PCCA: variants seen among roughly 807,000 people sequenced by gnomAD.
PCCA encodes propionyl-CoA carboxylase subunit alpha.
Under a neutral mutation model 101.3 loss-of-function variants are expected in PCCA, and 74 were observed. That is an observed-to-expected ratio of 0.73 (90% CI 0.61 to 0.89). PCCA has a LOEUF of 0.89. PCCA is among the 40% of genes least tolerant of loss of function. The probability of loss-of-function intolerance (pLI) is 0.00; values close to 1 mark genes in which losing one functional copy is unlikely to be tolerated. For synonymous variants in PCCA, 294 were observed against 313.6 expected (o/e 0.94, Z 0.66); for missense variants, 891 against 907.0 (o/e 0.98, Z 0.23).
chr13:100,343,985 G>A (rs1402455018), intron 18 of PCCA, among the ~76,000 whole-genome samples: 3 of 152,224 alleles, frequency 2.0e-5, no homozygotes, highest in Non-Finnish European at 4.4e-5. Context: ...TGAGGCACGA[G>A]AATTGCTTGA....
chr13:100,357,440 A>G (rs9585411), intron 18 of PCCA, among the ~76,000 whole-genome samples: 30,488 of 152,150 alleles, frequency 0.2, 3,462 homozygotes, highest in Non-Finnish European at 0.27. Flanking sequence ...TTCCTGGGCT[A>G]CCACCTGGAA....
intron 1 of PCCA, among the ~76,000 whole-genome samples, chr13:100,090,864 A>G (rs573443478): frequency 5.3e-5 from 8 of 152,376 alleles, no homozygotes; most frequent in African/African-American, 1.9e-4. Context: ...ATAAGTGGCA[A>G]ACAGGATTTA....
intron 20 of PCCA, among the ~76,000 whole-genome samples, chr13:100,443,062 G>A (rs187188476): frequency 2.0e-5 from 3 of 152,246 alleles, no homozygotes; most frequent in Admixed American, 6.5e-5. Flanking sequence ...GTGATGTGAT[G>A]TGATTTTTTA....
chr13:100,491,462 GC>G, intron 21 of PCCA: 1 of 273,598 alleles, frequency 3.7e-6, no homozygotes, highest in Non-Finnish European at 7.4e-6. Context: ...TTGTTTGTAT[GC>G]CCCTAGTCAT....
At chr13:100,302,061 C>T (rs1163621472) in intron 13 of PCCA, among the ~76,000 whole-genome samples, 3 of 151,896 alleles carry the variant, frequency 2.0e-5, no homozygotes, top group South Asian at 2.1e-4. Context: ...TAATTTTCTC[C>T]TTTATTATTA....
rs1283292 is a variant in PCCA, at chr13:100,449,148, C to G, written c.1846-104C>G. Reference sequence around the variant, plus strand: ...GTATGGCTATACTATATTTTGTTTACCCATCCATCAGTTGATGGACATTTG... The same window carrying G: ...GTATGGCTATACTATATTTTGTTTAGCCATCCATCAGTTGATGGACATTTG... On this transcript the variant is annotated intron_variant, in intron 20 of 23. Coordinates refer to ENST00000376285, the MANE Select transcript of PCCA (RefSeq NM_000282.4). 48,158 of 645,366 alleles carry G rather than the reference C, an allele frequency of 0.075. 3,358 individuals are homozygous for G. The highest frequency in any genetic ancestry group is 0.28 in the African/African-American group (15,369 of 54,318). 40.0% of individuals were successfully genotyped at this position (645,366 alleles called of 1,614,324 possible).
At chr13:100,262,875 TATC>T (rs775843431) in intron 10 of PCCA, 44 bp downstream of exon 10, 2 of 805,440 alleles carry the variant, frequency 2.5e-6, no homozygotes, top group Non-Finnish European at 4.4e-6. Context: ...TTTAAAATAA[TATC>T]ATTTAATCCT....
chr13:100,348,323 A>G (rs2072592382), intron 18 of PCCA, among the ~76,000 whole-genome samples: 1 of 152,214 alleles, frequency 6.6e-6, no homozygotes, highest in Non-Finnish European at 1.5e-5. Context: ...TGGATAGTAA[A>G]ACAATAGTGG....
chr13:100,304,784 A>G (rs758429224), intron 14 of PCCA, among the ~76,000 whole-genome samples: 7 of 152,184 alleles, frequency 4.6e-5, no homozygotes, highest in Non-Finnish European at 7.3e-5. Context: ...CTTAGAAAAC[A>G]ATTTTTGGCT....
intron 10 of PCCA, among the ~76,000 whole-genome samples, chr13:100,265,839 GA>G (rs55950406): frequency 3.3e-5 from 5 of 150,806 alleles, no homozygotes; most frequent in African/African-American, 1.2e-4. Context: ...TTATGTACAA[GA>G]AAAAAAAATA....
chr13:100,484,530 C>A (rs1304471138), intron 21 of PCCA, among the ~76,000 whole-genome samples: 2 of 152,178 alleles, frequency 1.3e-5, no homozygotes, highest in Non-Finnish European at 2.9e-5. Flanking sequence ...CGTTCAGGAT[C>A]TCTGAGATAA....
intron 13 of PCCA, among the ~76,000 whole-genome samples, chr13:100,301,998 A>G (rs531206589): frequency 6.9e-4 from 105 of 152,292 alleles, no homozygotes; most frequent in African/African-American, 2.5e-3. Context: ...TTGGGTACAC[A>G]TTAGTTGTTG....
At position 100,235,872 on chromosome 13, in the gene PCCA, G is replaced by A. The variant is rs376551987; in HGVS notation, c.631G>A (p.Glu211Lys). 6.2e-7 allele frequency: 1 copy of A among 1,601,886 alleles called. No individual in the cohort carries two copies. The highest frequency in any genetic ancestry group is 8.6e-7 in the Non-Finnish European group (1 of 1,168,914). ...AGAAGAAGCTGTCAGAATTGCAAGG[G>A]AAATTGGTAAGTCCTTAAATTAACT... ...DAEEAVRIAR[E>K]IGYPVMIKAS... Residue 211 changes from glutamate (E) to lysine (K), a missense_variant, in exon 8 of 24, where the codon GAA becomes AAA. Coordinates refer to ENST00000376285, the MANE Select transcript of PCCA (RefSeq NM_000282.4).
At chr13:100,106,425 T>G (rs554644952) in intron 2 of PCCA, among the ~76,000 whole-genome samples, 1 of 152,268 alleles carries the variant, frequency 6.6e-6, no homozygotes, top group East Asian at 1.9e-4. Context: ...ATTTATTTAT[T>G]TTTGAGACAG....
chr13:100,456,427 T>C (rs1159291747), intron 21 of PCCA, among the ~76,000 whole-genome samples: 2 of 151,984 alleles, frequency 1.3e-5, no homozygotes, highest in African/African-American at 4.8e-5. Flanking sequence ...AGACGAGAGA[T>C]TGTAATAAAT....
At chr13:100,322,233 C>T (rs868059964) in intron 16 of PCCA, among the ~76,000 whole-genome samples, 8 of 152,194 alleles carry the variant, frequency 5.3e-5, no homozygotes, top group African/African-American at 1.9e-4. Context: ...CACAGTAAGA[C>T]GAGAAGAAAG....
At chr13:100,263,212 GTTTAAGATAT>G (rs1452191820) in intron 10 of PCCA, among the ~76,000 whole-genome samples, 1 of 152,196 alleles carries the variant, frequency 6.6e-6, no homozygotes, top group Non-Finnish European at 1.5e-5. Flanking sequence ...CTTCTATTCA[GTTTAAGATAT>G]TCATCCTTAA....
At chr13:100,428,406 G>A (rs2152898235) in intron 20 of PCCA, among the ~76,000 whole-genome samples, 1 of 144,354 alleles carries the variant, frequency 6.9e-6, no homozygotes, top group Admixed American at 7.6e-5. Flanking sequence ...CAGTCTTGCT[G>A]TAGGTAGGAT....
intron 18 of PCCA, among the ~76,000 whole-genome samples, chr13:100,359,939 A>C (rs1175131627): frequency 2.6e-5 from 4 of 152,188 alleles, no homozygotes; most frequent in Non-Finnish European, 5.9e-5. Context: ...TGTGGAAGAA[A>C]TTGGCACATT....
Sources: allele counts gnomAD v4.1 joint callset (sites outside exome capture counted in the v4.1 genomes callset), GRCh38; gene constraint gnomAD v4.1.1; transcripts MANE v1.5; gene names NCBI Gene and HGNC (gene_info 2026-07-23, HGNC 2026-07-21).